SCN2A: variants seen among roughly 807,000 people sequenced by gnomAD.
SCN2A encodes sodium voltage-gated channel alpha subunit 2, also known as sodium channel protein type 2 subunit alpha.
Under a neutral mutation model 188.7 loss-of-function variants are expected in SCN2A, and 20 were observed. That is an observed-to-expected ratio of 0.11 (90% confidence interval 0.07 to 0.15). SCN2A has a LOEUF of 0.15. Among genes scored for constraint, SCN2A ranks in the 10% least tolerant of loss-of-function variants. SCN2A has a pLI of 1.00. For synonymous variants in SCN2A, 804 were observed against 833.1 expected, an observed-to-expected ratio of 0.97 and a Z score of 0.60; for missense variants, 1,278 against 2,445.0, an observed-to-expected ratio of 0.52 and a Z score of 10.07.
In SCN2A at chr2:165,296,103, T is replaced by C. The variant is rs1696493642; in HGVS notation, c.267+13T>C. On this transcript the variant is annotated intron_variant, in intron 2 of 26. Coordinates refer to ENST00000375437, the MANE Select transcript of SCN2A (RefSeq NM_001040142.2). ...TATCAATAAGAAAGTGAGTTCTTAG[T>C]CAAGTTGCCTTCACTGCCTATTTAC... 6.2e-7 allele frequency: 1 copy of C among 1,611,864 alleles called. No homozygotes were observed. The highest frequency in any genetic ancestry group is 8.5e-7 in the Non-Finnish European group (1 of 1,179,496).
chr2:165,282,263 T>C (rs1695615460), intron 1 of SCN2A, among the ~76,000 whole-genome samples: 1 of 152,116 alleles, frequency 6.6e-6, no homozygotes, highest in African/African-American at 2.4e-5. Flanking sequence ...GGGGTTGACC[T>C]TCCACCAGTT....
intron 1 of SCN2A, chr2:165,239,855 C>T (rs1378386233): frequency 6.5e-6 from 1 of 153,402 alleles, no homozygotes; most frequent in East Asian, 1.9e-4. Flanking sequence ...GGCTTTCTAG[C>T]TGTTGGTCTC....
chr2:165,317,856 AT>A (rs1697846593), intron 11 of SCN2A, among the ~76,000 whole-genome samples: 1 of 152,156 alleles, frequency 6.6e-6, no homozygotes, highest in African/African-American at 2.4e-5. Flanking sequence ...TGATAAAGAA[AT>A]AGTCAAACAA....
chr2:165,285,045 A>G (rs1194840039), intron 1 of SCN2A, among the ~76,000 whole-genome samples: 2 of 152,238 alleles, frequency 1.3e-5, no homozygotes, highest in Non-Finnish European at 2.9e-5. Context: ...TTAGATGTAA[A>G]GTGATTATCT....
At chr2:165,349,136 T>C (rs1010415257) in intron 16 of SCN2A, among the ~76,000 whole-genome samples, 1 of 152,210 alleles carries the variant, frequency 6.6e-6, no homozygotes, top group African/African-American at 2.4e-5. Context: ...AATTATGTTA[T>C]AGATTTGATT....
Position 165,318,893 on chromosome 2 carries a change from A to C in SCN2A, c.1671+3135A>C, listed in dbSNP as rs183762641. 2.6e-4 allele frequency among the ~76,000 whole-genome samples: 39 copies of C among 152,358 alleles called. 1 individual carries two copies. Among genetic ancestry groups the C allele is most frequent in the African/African-American group, 8.4e-4 (35 of 41,584 alleles). On this transcript the variant is annotated intron_variant, in intron 11 of 26. Transcript: ENST00000375437. The stretch of plus-strand genomic sequence containing the variant: ...AGAAAGGAGACACGAAAAAGGATGG[A>C]TAGTCTAAGAAAGGCTTTAAAAAAT...
chr2:165,373,107 G>T, intron 20 of SCN2A, 118 bp from the exon 21 acceptor site: 1 of 1,097,486 alleles, frequency 9.1e-7, no homozygotes, highest in East Asian at 2.4e-5. Context: ...CAAGACCCCT[G>T]GGTGATTTTG....
intron 23 of SCN2A, among the ~76,000 whole-genome samples, chr2:165,378,758 C>G (rs1701446624): frequency 6.7e-6 from 1 of 149,762 alleles, no homozygotes; most frequent in African/African-American, 2.4e-5. Flanking sequence ...CTTAGCAGAC[C>G]TTTTCCGCTG....
At chr2:165,359,640 G>A (rs922247859) in intron 17 of SCN2A, among the ~76,000 whole-genome samples, 10 of 152,084 alleles carry the variant, frequency 6.6e-5, no homozygotes, top group African/African-American at 2.4e-4. Flanking sequence ...AATGTGCAGG[G>A]AAGGTTTGCG....
intron 16 of SCN2A, among the ~76,000 whole-genome samples, chr2:165,350,691 C>T (rs1332305492): frequency 2.1e-5 from 1 of 47,280 alleles, no homozygotes; most frequent in Non-Finnish European, 4.1e-5. Flanking sequence ...CCGGGATGGT[C>T]TCGATCTCCT....
chr2:165,315,485 C>A lies in SCN2A; in HGVS notation c.1398C>A (p.Ala466=). The stretch of plus-strand genomic sequence containing the variant: ...CGCCCTTCTAGGCGGCAGCTGCAGC[C>A]GCATCTGCTGAATCAAGAGACTTCA... ...QQEEAQAAAA[A]ASAESRDFSG... The change falls in exon 11 of 27, where the codon GCC becomes GCA. Residue 466 remains alanine (A), a synonymous_variant. Coordinates refer to ENST00000375437, the MANE Select transcript of SCN2A (RefSeq NM_001040142.2). 6.2e-7 allele frequency: 1 copy of A among 1,613,708 alleles called. No individual in the cohort carries two copies. The highest frequency in any genetic ancestry group is 8.5e-7 in the Non-Finnish European group (1 of 1,179,762).
chr2:165,359,435 G>A (rs1016159431), intron 17 of SCN2A, among the ~76,000 whole-genome samples: 3 of 151,984 alleles, frequency 2.0e-5, no homozygotes, highest in African/African-American at 7.2e-5. Context: ...ATCCATCAAC[G>A]TATCTAGGGG....
chr2:165,344,212 A>C (rs1011441416), intron 15 of SCN2A, among the ~76,000 whole-genome samples: 2 of 152,116 alleles, frequency 1.3e-5, no homozygotes, highest in East Asian at 3.9e-4. Flanking sequence ...TGTATAATTT[A>C]ATTATTTCAT....
Position 165,315,762 on chromosome 2 carries a change from A to C in SCN2A, c.1671+4A>C. On this transcript the variant is annotated splice_donor_region_variant and intron_variant, in intron 11 of 26. Coordinates refer to ENST00000375437, the MANE Select transcript of SCN2A (RefSeq NM_001040142.2). The stretch of plus-strand genomic sequence containing the variant: ...GAGATTTTCTTCTCCACACCAGGTA[A>C]AAATATTAAATTACATGAATTGTGT... The C allele has an allele frequency of 6.2e-7, 1 of 1,609,102 alleles. No homozygotes were observed. The highest frequency in any genetic ancestry group is 8.5e-7 in the Non-Finnish European group (1 of 1,177,146).
chr2:165,279,002 T>TGAAG (rs1431751646), intron 1 of SCN2A, among the ~76,000 whole-genome samples: 1 of 148,518 alleles, frequency 6.7e-6, no homozygotes, highest in Non-Finnish European at 1.5e-5. Flanking sequence ...AAGGAAGGAA[T>TGAAG]GAAGGAAGGA....
chr2:165,247,063 T>C lies in SCN2A; in HGVS notation c.-52+7423T>C, dbSNP rs568682823. On this transcript the variant is annotated intron_variant, in intron 1 of 26. Transcript: ENST00000375437. ...GGTTCTGCACCCACATAACCTGACC[T>C]CCCACCCATTACCTTAAATCAACTA... Among the ~76,000 whole-genome samples, 5 of 152,174 alleles carry C rather than the reference T, an allele frequency of 3.3e-5. No individual in the cohort carries two copies. The South Asian group carries it at 1.0e-3, about 32-fold the overall frequency.
At chr2:165,358,981 T>C (rs1700315965) in intron 17 of SCN2A, among the ~76,000 whole-genome samples, 1 of 152,142 alleles carries the variant, frequency 6.6e-6, no homozygotes, top group Non-Finnish European at 1.5e-5. Context: ...TTTTAAGAAA[T>C]GTTAATTATT....
intron 25 of SCN2A, among the ~76,000 whole-genome samples, chr2:165,382,103 TAGAG>T (rs897852644): frequency 1.3e-5 from 2 of 151,908 alleles, no homozygotes; most frequent in Non-Finnish European, 2.9e-5. Flanking sequence ...TTTGAATGAA[TAGAG>T]AGAGAAGCAG....
intron 1 of SCN2A, among the ~76,000 whole-genome samples, chr2:165,259,835 T>C (rs1898970): frequency 0.57 from 86,707 of 151,938 alleles, 25,197 homozygotes; most frequent in African/African-American, 0.67. Flanking sequence ...TTAATGACAT[T>C]CAGAATGGTG....
Sources: gnomAD v4.1 joint callset for allele counts (sites outside exome capture counted in the v4.1 genomes callset) on GRCh38, gnomAD v4.1.1 for gene constraint, MANE v1.5 for transcripts, NCBI Gene and HGNC (gene_info 2026-07-23, HGNC 2026-07-21) for gene names.